Variants in PIKFYVE observed in about 807,000 individuals in gnomAD.
PIKFYVE encodes phosphoinositide kinase, FYVE-type zinc finger containing.
In PIKFYVE, 122 loss-of-function variants were observed where a neutral mutation model predicts 257.9. That is an observed-to-expected ratio of 0.47 (90% CI 0.41 to 0.55). The LOEUF is 0.55. PIKFYVE is among the 20% of genes least tolerant of loss of function. PIKFYVE has a pLI of 0.00. For missense variants in PIKFYVE, 2,160 were observed against 2,536.6 expected (o/e 0.85, Z 3.19); for synonymous variants, 892 against 868.9 (o/e 1.03, Z -0.47).
At chr2:208,300,816 G>C in intron 8 of PIKFYVE, 121 bp from the exon 9 acceptor site, 1 of 1,180,696 alleles carries the variant, frequency 8.5e-7, no homozygotes, top group South Asian at 1.3e-5. Flanking sequence ...GTGTGAGTTA[G>C]CTACCATAAA....
At chr2:208,345,442 CA>C (rs1300670640) in intron 33 of PIKFYVE, among the ~76,000 whole-genome samples, 2 of 151,704 alleles carry the variant, frequency 1.3e-5, no homozygotes, top group Non-Finnish European at 2.9e-5. Context: ...GATTTAAGGA[CA>C]TTTTTGAAAA....
chr2:208,344,352 A>G (rs916166563), intron 32 of PIKFYVE, among the ~76,000 whole-genome samples: 1 of 152,090 alleles, frequency 6.6e-6, no homozygotes, highest in Non-Finnish European at 1.5e-5. Context: ...GCCTTTATGC[A>G]GTTTAGAGTT....
intron 6 of PIKFYVE, among the ~76,000 whole-genome samples, chr2:208,287,136 C>G (rs1559059657): frequency 6.6e-6 from 1 of 152,054 alleles, no homozygotes; most frequent in East Asian, 1.9e-4. Context: ...ACTACACTGT[C>G]TAGGGACTGA....
At chr2:208,273,557 A>G (rs767513430) in intron 2 of PIKFYVE, 27 bp from the exon 3 acceptor site, 3 of 1,614,062 alleles carry the variant, frequency 1.9e-6, no homozygotes, top group Non-Finnish European at 2.5e-6. Context: ...CAGTCTTTAA[A>G]TAATGCCAAG....
intron 16 of PIKFYVE, among the ~76,000 whole-genome samples, chr2:208,319,668 CTG>C (rs1173512598): frequency 6.6e-6 from 1 of 152,186 alleles, no homozygotes; most frequent in African/African-American, 2.4e-5. Flanking sequence ...GCTATTCTGC[CTG>C]TGGCTTTAAG....
rs1164489790 is a variant in PIKFYVE, at chr2:208,347,852, T to C, written c.5210-7T>C. 1 of 1,608,868 alleles carries C rather than the reference T, an allele frequency of 6.2e-7. No individual in the cohort carries two copies. The highest frequency in any genetic ancestry group is 8.5e-7 in the Non-Finnish European group (1 of 1,177,036). On this transcript the variant is annotated splice_polypyrimidine_tract_variant and splice_region_variant and intron_variant, in intron 34 of 41. Transcript: ENST00000264380. ...CTTAAAATTAATATGTTACTTCTTA[T>C]TTTTAGCCAAAAAGGCTTCTGGAAT... is the stretch of plus-strand genomic sequence containing the variant.
At chr2:208,288,892 T>C in intron 7 of PIKFYVE, 74 bp downstream of exon 7, 1 of 1,560,976 alleles carries the variant, frequency 6.4e-7, no homozygotes, top group Non-Finnish European at 8.8e-7. Flanking sequence ...AACAAACGGA[T>C]AAAAAGGGTG....
chr2:208,354,563 C>A lies in PIKFYVE; in HGVS notation c.6107-8C>A, dbSNP rs749971415. On this transcript the variant is annotated splice_polypyrimidine_tract_variant and splice_region_variant and intron_variant, in intron 40 of 41. Coordinates refer to ENST00000264380, the MANE Select transcript of PIKFYVE (RefSeq NM_015040.4). ...TTTATTGCTAATTTCACTCCTTCTACCCCCCAGATTATATTCGAACATTTA... is the reference window on the plus strand; with the variant it reads ...TTTATTGCTAATTTCACTCCTTCTAACCCCCAGATTATATTCGAACATTTA... 7 of 1,605,434 alleles carry A rather than the reference C, an allele frequency of 4.4e-6. No individual in the cohort carries two copies. In the African/African-American group the frequency reaches 6.7e-5, roughly 15 times the overall value.
Position 208,317,861 on chromosome 2 carries a change from C to T in PIKFYVE, c.2008-6C>T. The stretch of plus-strand genomic sequence containing the variant: ...AATTTTATTGTTTTCTTAATTGTTC[C>T]ATTAGATCCCAGGTGGAAAGAAGTT... On this transcript the variant is annotated splice_region_variant and splice_polypyrimidine_tract_variant and intron_variant, in intron 15 of 41. Transcript: ENST00000264380. 6.2e-7 allele frequency: 1 copy of T among 1,607,648 alleles called. No individual in the cohort carries two copies. The highest frequency in any genetic ancestry group is 2.2e-5 in the East Asian group (1 of 44,840).
At chr2:208,341,845 T>G (rs562236146) in intron 31 of PIKFYVE, among the ~76,000 whole-genome samples, 8 of 152,316 alleles carry the variant, frequency 5.3e-5, no homozygotes, top group Admixed American at 1.3e-4. Flanking sequence ...GGGTAAACAT[T>G]CATTCTGTAG....
At chr2:208,308,223 A>AC (rs1281278844) in intron 12 of PIKFYVE, among the ~76,000 whole-genome samples, 1 of 151,676 alleles carries the variant, frequency 6.6e-6, no homozygotes, top group Non-Finnish European at 1.5e-5. Context: ...ATGTGGCAAA[A>AC]CCCCGTCTCT....
At chr2:208,337,225 A>G (rs1454769834) in intron 28 of PIKFYVE, among the ~76,000 whole-genome samples, 1 of 152,194 alleles carries the variant, frequency 6.6e-6, no homozygotes, top group Non-Finnish European at 1.5e-5. Context: ...AAGTCAGTGG[A>G]TGCTCTGAGT....
chr2:208,277,417 C>G, intron 4 of PIKFYVE, 120 bp from the exon 5 acceptor site: 1 of 1,062,258 alleles, frequency 9.4e-7, no homozygotes, highest in Non-Finnish European at 1.4e-6. Context: ...CTTTCGTATT[C>G]CCATATGAAT....
At chr2:208,330,235 C>T (rs1161020274) in intron 22 of PIKFYVE, among the ~76,000 whole-genome samples, 1 of 152,152 alleles carries the variant, frequency 6.6e-6, no homozygotes, top group East Asian at 1.9e-4. Context: ...TTAGCATCAT[C>T]ACTCGCCACT....
At chr2:208,342,701 G>T in intron 32 of PIKFYVE, 52 bp downstream of exon 32, 1 of 1,376,750 alleles carries the variant, frequency 7.3e-7, no homozygotes. Context: ...TTTTATGTAT[G>T]TCTATTAATC....
chr2:208,320,094 T>G (rs1337301461), intron 16 of PIKFYVE, among the ~76,000 whole-genome samples, 158 bp from the exon 17 acceptor site: 1 of 152,214 alleles, frequency 6.6e-6, no homozygotes. Flanking sequence ...TGAAAAAATT[T>G]AATACCGTAA....
rs1482338967 is a variant in PIKFYVE, at chr2:208,335,807, A to G, written c.4271A>G (p.Tyr1424Cys). The change falls in exon 26 of 42, where the codon TAT becomes TGT. Residue 1424 changes from tyrosine (Y) to cysteine (C), a missense_variant. Tyr to Cys is a radical substitution (Grantham distance 194). This residue lies in a region of PIKFYVE where 699 missense variants were observed against 855.8 expected (regional missense o/e 0.82). Coordinates refer to ENST00000264380, the MANE Select transcript of PIKFYVE (RefSeq NM_015040.4). ...GCTATTGTTAGAGTTTCACAGGTAT[A>G]TGTTGCCATTGATGAAAGACTTGCA... ...KDFFQKVSQVYVAIDERLASL... is the reference protein window; with the variant it reads ...KDFFQKVSQVCVAIDERLASL... 5.6e-6 allele frequency: 9 copies of G among 1,611,584 alleles called. No homozygotes were observed. Among genetic ancestry groups the G allele is most frequent in the Non-Finnish European group, 7.6e-6 (9 of 1,177,918 alleles).
chr2:208,346,120 C>T lies in PIKFYVE; in HGVS notation c.5182C>T (p.Arg1728Cys), dbSNP rs202228781. 35 of 1,612,162 alleles carry T rather than the reference C, an allele frequency of 2.2e-5. No homozygotes were observed. Among genetic ancestry groups the T allele is most frequent in the Non-Finnish European group, 2.9e-5 (34 of 1,178,744 alleles). Residue 1728 changes from arginine to cysteine, a missense_variant, in exon 34 of 42, where the codon CGT (arginine) becomes TGT (cysteine). Coordinates refer to ENST00000264380, the MANE Select transcript of PIKFYVE (RefSeq NM_015040.4). ...LPEMSGGQTNRTTETEPQPTK... is the reference protein window; with the variant it reads ...LPEMSGGQTNCTTETEPQPTK... ...TGAAATGAGTGGAGGACAGACAAAT[C>T]GTACAACAGAAACAGAACCACAACC...
chr2:208,294,444 T>C (rs1692708459), intron 7 of PIKFYVE, among the ~76,000 whole-genome samples: 1 of 152,186 alleles, frequency 6.6e-6, no homozygotes. Flanking sequence ...ACTGTGTTTT[T>C]TGGCTTTCAT....
Sources: gnomAD v4.1 joint callset for allele counts (sites outside exome capture counted in the v4.1 genomes callset) on GRCh38, gnomAD v4.1.1 for gene constraint, gnomAD v4.1.1 regional missense constraint, MANE v1.5 for transcripts, NCBI Gene and HGNC (gene_info 2026-07-23, HGNC 2026-07-21) for gene names.